The following NCKAP1 variants were observed in gnomAD, a reference collection of about 807,000 sequenced individuals.
The protein encoded by NCKAP1 is NCK associated protein 1, also known as nck-associated protein 1.
NCKAP1 carries 21 observed loss-of-function variants against 151.2 expected under a neutral mutation model. The ratio of observed to expected loss-of-function variants is 0.14; its 90% CI spans 0.10 to 0.20. NCKAP1 has a LOEUF of 0.20. Among genes scored for constraint, NCKAP1 ranks in the 10% least tolerant of loss-of-function variants. The probability of loss-of-function intolerance (pLI) is 1.00; values close to 1 mark genes in which losing one functional copy is unlikely to be tolerated. For missense variants in NCKAP1, 933 were observed against 1,352.1 expected, an observed-to-expected ratio of 0.69 and a Z score of 4.86; for synonymous variants, 484 against 451.8, an observed-to-expected ratio of 1.07 and a Z score of -0.90.
chr2:182,981,764 C>T (rs966607045), intron 12 of NCKAP1, among the ~76,000 whole-genome samples: 2 of 151,546 alleles, frequency 1.3e-5, no homozygotes, highest in Non-Finnish European at 2.9e-5. Flanking sequence ...CAAAAGTTAG[C>T]TGGGCATGGT....
intron 2 of NCKAP1, among the ~76,000 whole-genome samples, chr2:183,018,463 C>T (rs1417450639): frequency 6.6e-6 from 1 of 152,130 alleles, no homozygotes; most frequent in Non-Finnish European, 1.5e-5. Context: ...AATATGCCTA[C>T]TGTTTCCTTC....
At chr2:183,037,763 C>A (rs1379815424) in intron 1 of NCKAP1, among the ~76,000 whole-genome samples, 1 of 152,098 alleles carries the variant, frequency 6.6e-6, no homozygotes, top group African/African-American at 2.4e-5. Context: ...CGCCGGGAGC[C>A]GGGAAATGGC....
intron 9 of NCKAP1, among the ~76,000 whole-genome samples, chr2:182,988,120 T>C (rs1322504386): frequency 6.6e-6 from 1 of 152,080 alleles, no homozygotes; most frequent in Admixed American, 6.6e-5. Context: ...AAGACACAGA[T>C]AGAGGAGGTT....
chr2:182,934,924 C>G (rs562083758), intron 25 of NCKAP1, 92 bp from the exon 26 acceptor site: 28 of 626,364 alleles, frequency 4.5e-5, no homozygotes, highest in Non-Finnish European at 6.3e-5. Context: ...TTTTAGTTTT[C>G]ATAAAAATTA....
intron 26 of NCKAP1, 67 bp from the exon 27 acceptor site, chr2:182,930,855 T>TA: frequency 7.3e-7 from 1 of 1,362,586 alleles, no homozygotes; most frequent in Non-Finnish European, 1.0e-6. Flanking sequence ...GCTCACTGTT[T>TA]ATTAGAGTCT....
chr2:182,981,995 A>C (rs1575045653), intron 12 of NCKAP1, among the ~76,000 whole-genome samples: 1 of 151,992 alleles, frequency 6.6e-6, no homozygotes, highest in Admixed American at 6.5e-5. Context: ...AAATAAAAGA[A>C]GATTAGCAAG....
chr2:182,950,802 T>A (rs1363310248), intron 23 of NCKAP1, among the ~76,000 whole-genome samples: 1 of 152,182 alleles, frequency 6.6e-6, no homozygotes, highest in Non-Finnish European at 1.5e-5. Context: ...GTGACAGGTC[T>A]GAAATTCAGG....
chr2:182,968,264 C>A (rs1478336793), intron 15 of NCKAP1, among the ~76,000 whole-genome samples: 2 of 152,054 alleles, frequency 1.3e-5, no homozygotes, highest in Non-Finnish European at 2.9e-5. Flanking sequence ...TATTAGAAGG[C>A]AGTAGTGGCA....
At chr2:182,964,833 C>A (rs995838489) in intron 16 of NCKAP1, 25 bp from the exon 17 acceptor site, 1 of 1,553,872 alleles carries the variant, frequency 6.4e-7, no homozygotes, top group Non-Finnish European at 8.7e-7. Context: ...ATCAGAATCA[C>A]AATTTTTACA....
chr2:182,984,836 G>A (rs567930147), intron 10 of NCKAP1, among the ~76,000 whole-genome samples: 32 of 152,136 alleles, frequency 2.1e-4, no homozygotes, highest in Non-Finnish European at 4.0e-4. Context: ...AAAGTACTTG[G>A]GCCTGGCACA....
intron 3 of NCKAP1, 43 bp from the exon 4 acceptor site, chr2:183,003,073 T>C: frequency 6.6e-7 from 1 of 1,523,152 alleles, no homozygotes; most frequent in Non-Finnish European, 8.9e-7. Context: ...TGTATAAATC[T>C]GTTTAAATTC....
intron 16 of NCKAP1, among the ~76,000 whole-genome samples, chr2:182,966,254 A>G (rs1386525265): frequency 6.6e-6 from 1 of 152,052 alleles, no homozygotes; most frequent in Non-Finnish European, 1.5e-5. Context: ...GCTTGAGGCG[A>G]GAATTCTTGA....
At chr2:182,965,329 T>C (rs907836516) in intron 16 of NCKAP1, among the ~76,000 whole-genome samples, 5 of 151,938 alleles carry the variant, frequency 3.3e-5, no homozygotes, top group Admixed American at 3.3e-4. Context: ...TTTTATTTTT[T>C]TTTTTAACTT....
At chr2:182,962,373 G>A in intron 17 of NCKAP1, 95 bp from the exon 18 acceptor site, 1 of 1,238,600 alleles carries the variant, frequency 8.1e-7, no homozygotes, top group Non-Finnish European at 1.1e-6. Flanking sequence ...TAGGCTAAAG[G>A]TACATTCCGC....
Position 182,952,894 on chromosome 2 carries a change from C to G in NCKAP1, c.2402G>C (p.Ser801Thr). 1.2e-6 allele frequency: 2 copies of G among 1,611,128 alleles called. No homozygotes were observed. Among genetic ancestry groups the G allele is most frequent in the Non-Finnish European group, 1.7e-6 (2 of 1,179,162 alleles). ...WYLETLLRQV[S>T]NGHIAYFPAM... ...AGGAAAATATGCTATATGGCCATTG[C>G]TGACTTGTCGTAACAAAGTTTCCAA... is the stretch of plus-strand genomic sequence containing the variant. The change falls in exon 22 of 31, where the codon AGC becomes ACC. Residue 801 changes from serine (S) to threonine (T), a missense_variant. By Grantham distance (58) the Ser-to-Thr change is moderately conservative (BLOSUM62 1). Transcript: ENST00000361354.
chr2:182,945,554 A>T (rs908291820), intron 23 of NCKAP1, among the ~76,000 whole-genome samples: 1 of 152,256 alleles, frequency 6.6e-6, no homozygotes, highest in Non-Finnish European at 1.5e-5. Flanking sequence ...GGAGAGTGTG[A>T]ACTACAATAT....
intron 2 of NCKAP1, among the ~76,000 whole-genome samples, chr2:183,016,949 A>G (rs1206449567): frequency 6.6e-6 from 1 of 152,206 alleles, no homozygotes; most frequent in Non-Finnish European, 1.5e-5. Context: ...GTCGTAAATG[A>G]CCAGTTTGAT....
intron 2 of NCKAP1, among the ~76,000 whole-genome samples, chr2:183,009,463 G>GC (rs1698546681): frequency 6.8e-6 from 1 of 147,110 alleles, no homozygotes; most frequent in African/African-American, 2.5e-5. Flanking sequence ...AGGAAGGAAG[G>GC]AAGGAAGGAA....
chr2:183,035,655 T>G (rs770084765), intron 1 of NCKAP1, among the ~76,000 whole-genome samples: 1 of 152,176 alleles, frequency 6.6e-6, no homozygotes, highest in African/African-American at 2.4e-5. Flanking sequence ...TGGCAAGATA[T>G]TTGAACAAAT....
Sources: gnomAD v4.1 joint callset for allele counts (sites outside exome capture counted in the v4.1 genomes callset) on GRCh38, gnomAD v4.1.1 for gene constraint, MANE v1.5 for transcripts, NCBI Gene and HGNC (gene_info 2026-07-23, HGNC 2026-07-21) for gene names.